The following FAAH2 variants were observed in gnomAD, a reference collection of about 807,000 sequenced individuals.
FAAH2 encodes fatty acid amide hydrolase 2.
A neutral mutation model predicts 36.9 loss-of-function variants in FAAH2; 60 were observed. That is an observed-to-expected ratio of 1.63 (90% CI 1.32 to 2.02). FAAH2 has a LOEUF of 2.02. Among genes scored for constraint, FAAH2 ranks in the 30% most tolerant of loss-of-function variants. The pLI is 0.00. For missense variants in FAAH2, 689 were observed against 397.5 expected, an observed-to-expected ratio of 1.73 and a Z score of -6.23; for synonymous variants, 214 against 143.8, an observed-to-expected ratio of 1.49 and a Z score of -3.49.
At chrX:57,416,469 A>G (rs975056039) in intron 7 of FAAH2, among the ~76,000 whole-genome samples, 16 of 111,024 alleles carry the variant, frequency 1.4e-4, no homozygotes, top group African/African-American at 5.3e-4. Context: ...AAAGAATTTT[A>G]TTTCTCCTTT....
intron 8 of FAAH2, among the ~76,000 whole-genome samples, chrX:57,439,927 T>A (rs778047733): frequency 9.0e-6 from 1 of 111,711 alleles, no homozygotes; most frequent in African/African-American, 3.3e-5. Flanking sequence ...TGTGGCATTA[T>A]TTCTGAGGGT....
chrX:57,311,422 C>T (rs1377078332), intron 3 of FAAH2, among the ~76,000 whole-genome samples: 4 of 112,017 alleles, frequency 3.6e-5, no homozygotes, highest in Non-Finnish European at 7.5e-5. Context: ...CTTTGGGATC[C>T]TAGCTATAGG....
chrX:57,197,847 G>C, the FAAH2 span, among the ~76,000 whole-genome samples: 61 of 112,250 alleles, frequency 5.4e-4, no homozygotes, highest in Middle Eastern at 0.014. Context: ...GGTTTCCTTG[G>C]ATGCTGGTTG....
intron 7 of FAAH2, among the ~76,000 whole-genome samples, chrX:57,383,298 G>T (rs1186985113): frequency 2.7e-5 from 3 of 111,881 alleles, no homozygotes; most frequent in Non-Finnish European, 5.6e-5. Context: ...CCACTCCTAT[G>T]CAACATAGTG....
chrX:57,394,070 G>T, intron 7 of FAAH2: 1 of 732,195 alleles, frequency 1.4e-6, no homozygotes. Flanking sequence ...AGCATCAATA[G>T]CCGCAGCAAC....
the FAAH2 span, among the ~76,000 whole-genome samples, chrX:57,180,014 C>A: frequency 8.9e-6 from 1 of 112,183 alleles, no homozygotes; most frequent in African/African-American, 3.2e-5. Context: ...TCTTGAATGA[C>A]TTTGGGGTAA....
chrX:57,270,395 C>G, the FAAH2 span, among the ~76,000 whole-genome samples: 1 of 111,895 alleles, frequency 8.9e-6, no homozygotes, highest in Admixed American at 9.5e-5. Flanking sequence ...GATAGCAAAA[C>G]CTGGCAGCAA....
At chrX:57,254,510 C>T in the FAAH2 span, among the ~76,000 whole-genome samples, 6 of 111,725 alleles carry the variant, frequency 5.4e-5, no homozygotes, top group Non-Finnish European at 1.1e-4. Flanking sequence ...CTAAAATTGA[C>T]CACATAGTTG....
In FAAH2 at chrX:57,448,585, A is replaced by G; in HGVS notation, c.1290A>G (p.Ala430=). 8.3e-7 allele frequency: 1 copy of G among 1,211,619 alleles called. No individual in the cohort carries two copies. Among genetic ancestry groups the G allele is most frequent in the Non-Finnish European group, 1.1e-6 (1 of 895,447 alleles). Residue 430 remains alanine, a synonymous_variant, in exon 10 of 11, where the codon GCA becomes GCG. Coordinates refer to ENST00000374900, the MANE Select transcript of FAAH2 (RefSeq NM_174912.4). ...ATGAGAAATACCAAAAGTTTAAGGC[A>G]GTGGAAGAAAGCCTGCGTAAAGAGC... The part of the protein sequence containing the change: ...YSNEKYQKFK[A]VEESLRKELV...
At chrX:57,390,679 G>C (rs769257878) in intron 7 of FAAH2, among the ~76,000 whole-genome samples, 2 of 111,808 alleles carry the variant, frequency 1.8e-5, no homozygotes, top group South Asian at 3.7e-4. Flanking sequence ...TGGCCGTATA[G>C]TATTCTGTGG....
intron 3 of FAAH2, among the ~76,000 whole-genome samples, chrX:57,324,383 T>A (rs1315054345): frequency 8.9e-5 from 10 of 111,934 alleles, no homozygotes; most frequent in Non-Finnish European, 1.7e-4. Flanking sequence ...GAAGAAAGTC[T>A]TTGGTAGCTT....
At chrX:57,277,288 T>C in the FAAH2 span, among the ~76,000 whole-genome samples, 3 of 111,996 alleles carry the variant, frequency 2.7e-5, no homozygotes, top group Non-Finnish European at 3.8e-5. Context: ...AATCAATAAA[T>C]GTGATCCATC....
At chrX:57,296,230 G>A (rs975758677) in intron 2 of FAAH2, among the ~76,000 whole-genome samples, 1 of 111,285 alleles carries the variant, frequency 9.0e-6, no homozygotes, top group Non-Finnish European at 1.9e-5. Flanking sequence ...ACCTCACATT[G>A]CCCAGTACTC....
chrX:57,158,532 T>A, the FAAH2 span, among the ~76,000 whole-genome samples: 1 of 112,027 alleles, frequency 8.9e-6, no homozygotes, highest in Non-Finnish European at 1.9e-5. Context: ...TTTTTAATGA[T>A]CACCATTCTA....
intron 2 of FAAH2, among the ~76,000 whole-genome samples, chrX:57,309,878 C>T (rs770297434): frequency 4.2e-4 from 47 of 111,432 alleles, no homozygotes; most frequent in African/African-American, 8.1e-4. Context: ...TAAATAGTGG[C>T]GCAATGAACA....
intron 7 of FAAH2, chrX:57,381,581 G>A: frequency 1.1e-5 from 7 of 662,786 alleles, no homozygotes; most frequent in Non-Finnish European, 1.3e-5. Context: ...AGACAAAGAA[G>A]GCCCTTACAT....
chrX:57,385,837 G>A (rs1431393712), intron 7 of FAAH2, among the ~76,000 whole-genome samples: 9 of 109,327 alleles, frequency 8.2e-5, no homozygotes, highest in African/African-American at 2.7e-4. Flanking sequence ...CAACCCGGGA[G>A]GCGGAGCTTG....
chrX:57,382,137 G>A (rs1222519071), intron 7 of FAAH2, among the ~76,000 whole-genome samples: 1 of 111,267 alleles, frequency 9.0e-6, no homozygotes, highest in African/African-American at 3.3e-5. Flanking sequence ...CGAGAACAAA[G>A]ACACAACATA....
chrX:57,145,815 G>C, the FAAH2 span, among the ~76,000 whole-genome samples: 1 of 111,423 alleles, frequency 9.0e-6, no homozygotes, highest in African/African-American at 3.3e-5. Context: ...TGAATAGGCT[G>C]TCCTTTTCCC....
Sources: allele counts gnomAD v4.1 joint callset (sites outside exome capture counted in the v4.1 genomes callset), GRCh38; gene constraint gnomAD v4.1.1; transcripts MANE v1.5; gene names NCBI Gene and HGNC (gene_info 2026-07-23, HGNC 2026-07-21).